The following PCDH9 variants were observed in gnomAD, a reference collection of about 807,000 sequenced individuals.
The protein encoded by PCDH9 is protocadherin 9.
PCDH9 carries 24 observed loss-of-function variants against 70.6 expected under a neutral mutation model. The observed-to-expected ratio is 0.34, with a 90% CI of 0.25 to 0.48. The LOEUF is 0.48. PCDH9 is among the 20% of genes least tolerant of loss of function. The probability of loss-of-function intolerance (pLI) is 0.99; values close to 1 mark genes in which losing one functional copy is unlikely to be tolerated. For synonymous variants in PCDH9, 562 were observed against 558.5 expected (o/e 1.01, Z -0.09); for missense variants, 1,281 against 1,503.6 (o/e 0.85, Z 2.45).
At position 66,598,094 on chromosome 13, in the gene PCDH9, C is replaced by T. The variant is rs2077124603; in HGVS notation, c.3340+33116G>A. ...ATCCCCTGAAAATAACAAGTGTTGG[C>T]AACAATGTGGAGAAATTAGAACCTT... On this transcript the variant is annotated intron_variant, in intron 4 of 4. Coordinates refer to ENST00000377865, the MANE Select transcript of PCDH9 (RefSeq NM_203487.3). 1.3e-5 allele frequency among the ~76,000 whole-genome samples: 2 copies of T among 151,652 alleles called. 1 individual carries two copies. Among genetic ancestry groups the T allele is most frequent in the South Asian group, 4.1e-4 (2 of 4,820 alleles).
chr13:66,624,634 A>G (rs1196621708), intron 4 of PCDH9, among the ~76,000 whole-genome samples: 1 of 152,178 alleles, frequency 6.6e-6, no homozygotes, highest in African/African-American at 2.4e-5. Context: ...GAAAGACTTT[A>G]TTTTACTTAA....
intron 4 of PCDH9, among the ~76,000 whole-genome samples, chr13:66,515,045 G>A (rs1426647615): frequency 1.3e-5 from 2 of 152,022 alleles, no homozygotes; most frequent in Non-Finnish European, 2.9e-5. Context: ...AGTGCTGTGA[G>A]AGCACTACTA....
chr13:67,142,958 G>A (rs749248452), intron 2 of PCDH9, among the ~76,000 whole-genome samples: 7 of 151,770 alleles, frequency 4.6e-5, no homozygotes, highest in Non-Finnish European at 7.4e-5. Context: ...GCAGTGAGCC[G>A]AGATTGCACC....
chr13:66,475,809 T>A (rs1190065253), intron 4 of PCDH9, among the ~76,000 whole-genome samples: 2 of 152,088 alleles, frequency 1.3e-5, no homozygotes, highest in Non-Finnish European at 2.9e-5. Flanking sequence ...AAACAATTGT[T>A]TGATGTGAAT....
In PCDH9 at chr13:66,645,449, A is replaced by G. The variant is rs371968948; in HGVS notation, c.3139-14038T>C. 1.8e-4 allele frequency among the ~76,000 whole-genome samples: 27 copies of G among 152,258 alleles called. 1 individual carries two copies. The East Asian group carries it at 3.5e-3, about 20-fold the overall frequency. The stretch of plus-strand genomic sequence containing the variant: ...CCAATCTGTTCTCCTTACTAATTTC[A>G]TTACTAGTTTCCAAACTGCATGCGA... On this transcript the variant is annotated intron_variant, in intron 3 of 4. Transcript: ENST00000377865.
rs567518223 is a variant in PCDH9 at position 66,500,132 on chromosome 13, A to G, written c.3340+131078T>C. Reference sequence around the variant, plus strand: ...TAAGATATTTTCCTCTTCTATTTCTATTAGATAATATAGCATTAATAAATT... The same window carrying G: ...TAAGATATTTTCCTCTTCTATTTCTGTTAGATAATATAGCATTAATAAATT... On this transcript the variant is annotated intron_variant, in intron 4 of 4. Transcript: ENST00000377865. 2.6e-5 allele frequency among the ~76,000 whole-genome samples: 4 copies of G among 152,326 alleles called. No homozygotes were observed. The South Asian group carries it at 6.2e-4, about 24-fold the overall frequency.
At chr13:66,995,288 C>G (rs76486212) in intron 2 of PCDH9, among the ~76,000 whole-genome samples, 1 of 152,108 alleles carries the variant, frequency 6.6e-6, no homozygotes, top group Admixed American at 6.5e-5. Flanking sequence ...GCATAAGACA[C>G]GGTAAATACA....
chr13:66,366,804 A>T (rs1043312680), intron 4 of PCDH9, among the ~76,000 whole-genome samples: 1 of 152,114 alleles, frequency 6.6e-6, no homozygotes, highest in African/African-American at 2.4e-5. Context: ...ATTATAATTC[A>T]GTGTATCTGG....
At chr13:66,993,022 T>C (rs1169073821) in intron 2 of PCDH9, among the ~76,000 whole-genome samples, 2 of 151,682 alleles carry the variant, frequency 1.3e-5, no homozygotes, top group Non-Finnish European at 2.9e-5. Context: ...GTTAAGACAA[T>C]AAAATTTAAA....
intron 3 of PCDH9, among the ~76,000 whole-genome samples, chr13:66,759,245 T>G (rs1312766724): frequency 2.6e-5 from 4 of 152,054 alleles, no homozygotes; most frequent in African/African-American, 9.6e-5. Context: ...ATAATGACCT[T>G]TGTTTCATTT....
chr13:67,139,148 A>G (rs1462647185), intron 2 of PCDH9, among the ~76,000 whole-genome samples: 1 of 152,214 alleles, frequency 6.6e-6, no homozygotes. Flanking sequence ...GCCATGGTGA[A>G]TTCTGTCAAA....
At chr13:66,722,689 C>G (rs1362192565) in intron 3 of PCDH9, among the ~76,000 whole-genome samples, 1 of 152,102 alleles carries the variant, frequency 6.6e-6, no homozygotes, top group African/African-American at 2.4e-5. Context: ...ACCTATGTGC[C>G]GGGCGCGGTG....
rs1327098452 is a variant in PCDH9, at chr13:66,854,709, T to G, written c.3138+48795A>C. 2.6e-5 allele frequency among the ~76,000 whole-genome samples: 4 copies of G among 152,242 alleles called. No individual in the cohort carries two copies. The South Asian group carries it at 8.3e-4, about 32-fold the overall frequency. ...CATGGTGCTGAAGTGCTGTTTAATG[T>G]TCCTAAGCACAAAAACTCTGTGATA... On this transcript the variant is annotated intron_variant, in intron 3 of 4. Coordinates refer to ENST00000377865, the MANE Select transcript of PCDH9 (RefSeq NM_203487.3).
chr13:66,310,073 C>A (rs1338699952), intron 4 of PCDH9, among the ~76,000 whole-genome samples: 2 of 151,702 alleles, frequency 1.3e-5, no homozygotes, highest in Admixed American at 1.3e-4. Context: ...AACTCAAATT[C>A]TTTGTTGCTT....
chr13:66,664,968 G>T (rs2078072963), intron 3 of PCDH9, among the ~76,000 whole-genome samples: 1 of 152,058 alleles, frequency 6.6e-6, no homozygotes, highest in Non-Finnish European at 1.5e-5. Flanking sequence ...ATAATAAAAT[G>T]CAGTCTACTT....
At chr13:67,161,354 T>A (rs1335545277) in intron 2 of PCDH9, among the ~76,000 whole-genome samples, 1 of 151,584 alleles carries the variant, frequency 6.6e-6, no homozygotes. Flanking sequence ...CTCAGAAGAG[T>A]GTCGGGCAGT....
chr13:66,321,254 T>C (rs1955747763), intron 4 of PCDH9, among the ~76,000 whole-genome samples: 1 of 152,084 alleles, frequency 6.6e-6, no homozygotes, highest in Admixed American at 6.5e-5. Context: ...TGCCATTAGA[T>C]CTCTCTATTT....
intron 3 of PCDH9, among the ~76,000 whole-genome samples, chr13:66,637,535 A>G (rs1350542013): frequency 1.3e-5 from 2 of 152,170 alleles, no homozygotes; most frequent in African/African-American, 2.4e-5. Flanking sequence ...TTAATTTTCT[A>G]TGCTGTTTAT....
At chr13:66,619,385 T>A (rs1015505236) in intron 4 of PCDH9, among the ~76,000 whole-genome samples, 7 of 152,052 alleles carry the variant, frequency 4.6e-5, no homozygotes, top group African/African-American at 7.2e-5. Context: ...AAAGAAAAAA[T>A]TACTTAAAAA....
Sources: allele counts gnomAD v4.1 joint callset (sites outside exome capture counted in the v4.1 genomes callset), GRCh38; gene constraint gnomAD v4.1.1; transcripts MANE v1.5; gene names NCBI Gene and HGNC (gene_info 2026-07-23, HGNC 2026-07-21).